FETUB: variants seen among roughly 807,000 people sequenced by gnomAD.
FETUB encodes the protein fetuin-B.
A neutral mutation model predicts 30.9 loss-of-function variants in FETUB; 28 were observed. That is an observed-to-expected ratio of 0.90 (90% CI 0.67 to 1.24). The LOEUF (loss-of-function observed/expected upper bound fraction) is 1.24, where lower values mean the gene tolerates loss of function less well. Among genes scored for constraint, FETUB ranks in the 50% most tolerant of loss-of-function variants. FETUB has a pLI of 0.00. For synonymous variants in FETUB, 186 were observed against 175.9 expected (o/e 1.06, Z -0.45); for missense variants, 469 against 455.3 (o/e 1.03, Z -0.27).
Position 186,652,278 on chromosome 3 carries a change from A to G in FETUB, c.796A>G (p.Ser266Gly). The G allele has an allele frequency of 6.5e-7, 1 of 1,547,972 alleles. No homozygotes were observed. Among genetic ancestry groups the G allele is most frequent in the Non-Finnish European group, 8.7e-7 (1 of 1,153,872 alleles). Reference protein sequence around the residue: ...FFESQAPATGSENSAVNQKPT... With the variant: ...FFESQAPATGGENSAVNQKPT... ...CTCATTCCAGGCTCCAGCCACTGGA[A>G]GTGAAAACTCTGCTGTTAACCAGAA... Residue 266 changes from serine (S) to glycine (G), a missense_variant, in exon 7 of 7, where the codon AGT becomes GGT. By Grantham distance (56) the Ser-to-Gly change is moderately conservative (BLOSUM62 0). Transcript: ENST00000265029.
chr3:186,651,861 C>CGAA (rs1401083012), intron 6 of FETUB: 1 of 170,162 alleles, frequency 5.9e-6, no homozygotes, highest in Non-Finnish European at 1.3e-5. Context: ...GACACTGCAT[C>CGAA]ATTCAGATCC....
chr3:186,644,790 C>G lies in FETUB; in HGVS notation c.464C>G (p.Pro155Arg). The change falls in exon 4 of 7, where the codon CCA (proline) becomes CGA (arginine). Residue 155 changes from proline to arginine, a missense_variant. By Grantham distance (103) the Pro-to-Arg change is moderately radical (BLOSUM62 -2). Transcript: ENST00000265029. ...KKIYMTCPDC[P>R]SSIPTDSSNH... ...ATTTACATGACGTGCCCTGACTGCC[C>G]AAGCTCCATACCCACTGACTCTTCC... 6.2e-7 allele frequency: 1 copy of G among 1,612,454 alleles called. No individual in the cohort carries two copies. Among genetic ancestry groups the G allele is most frequent in the Non-Finnish European group, 8.5e-7 (1 of 1,179,618 alleles).
In FETUB at chr3:186,640,496, A is replaced by G. The variant is rs761063427; in HGVS notation, c.36A>G (p.Leu12=). Residue 12 remains leucine (L), a synonymous_variant, in exon 1 of 7, where the codon CTA becomes CTG. Coordinates refer to ENST00000265029, the MANE Select transcript of FETUB (RefSeq NM_014375.3). ...GLLLPLALCI[L]VLCCGAMSPP... is the part of the protein sequence containing the mutation. ...TCCTTCCCCTGGCACTCTGCATCCT[A>G]GTCCTGTGCTGCGGAGCAATGTCTC... is the stretch of plus-strand genomic sequence containing the variant. The G allele has an allele frequency of 6.2e-7, 1 of 1,614,052 alleles. No individual in the cohort carries two copies. The highest frequency in any genetic ancestry group is 8.5e-7 in the Non-Finnish European group (1 of 1,179,998).
At chr3:186,640,241 CA>C, upstream of FETUB, 1 of 577,990 alleles carries the variant, frequency 1.7e-6, no homozygotes, top group South Asian at 2.0e-5. Flanking sequence ...TTTGTATGTA[CA>C]GGTGGATATG....
chr3:186,649,820 G>T (rs1485442293), intron 5 of FETUB, among the ~76,000 whole-genome samples: 1 of 152,210 alleles, frequency 6.6e-6, no homozygotes. Flanking sequence ...GGAGTCTTCA[G>T]TGTCTGTTAC....
At chr3:186,640,970 G>T in intron 1 of FETUB, 60 bp from the exon 2 acceptor site, 6 of 1,088,402 alleles carry the variant, frequency 5.5e-6, no homozygotes, top group Admixed American at 3.9e-5. Flanking sequence ...TTTTTTGTGT[G>T]GTCTTTCTAG....
upstream of FETUB, among the ~76,000 whole-genome samples, chr3:186,640,086 C>T (rs1163925110): frequency 2.0e-5 from 3 of 152,190 alleles, no homozygotes; most frequent in African/African-American, 7.2e-5. Flanking sequence ...GAGACCTCCA[C>T]AGCAAAGGTG....
intron 5 of FETUB, among the ~76,000 whole-genome samples, chr3:186,647,600 C>T (rs896386341): frequency 6.6e-5 from 10 of 152,118 alleles, no homozygotes; most frequent in Admixed American, 3.3e-4. Context: ...TGATGCTGAG[C>T]GTCTTTTAAT....
Position 186,642,515 on chromosome 3 carries a change from T to G in FETUB, c.381T>G (p.Ser127Arg). ...CAATATTTTATATGAACAACCCAAG[T>G]AGAGTTCTCTATTTAGCTGCTTATA... ...CKAIFYMNNP[S>R]RVLYLAAYNC... is the part of the protein sequence containing the mutation. The change falls in exon 3 of 7, where the codon AGT becomes AGG. Residue 127 changes from serine to arginine, a missense_variant. Coordinates refer to ENST00000265029, the MANE Select transcript of FETUB (RefSeq NM_014375.3). 1 of 1,610,124 alleles carries G rather than the reference T, an allele frequency of 6.2e-7. No homozygotes were observed. The highest frequency in any genetic ancestry group is 8.5e-7 in the Non-Finnish European group (1 of 1,176,878).
At chr3:186,652,136 G>C (rs1718095454) in intron 6 of FETUB, 127 bp from the exon 7 acceptor site, 1 of 1,041,254 alleles carries the variant, frequency 9.6e-7, no homozygotes, top group South Asian at 2.3e-5. Flanking sequence ...TCACCAGGAG[G>C]CCCATCCCTC....
chr3:186,642,620 T>G (rs3733159), intron 3 of FETUB, 62 bp downstream of exon 3: 333,723 of 970,552 alleles, frequency 0.34, 61,747 homozygotes, highest in African/African-American at 0.6. Flanking sequence ...CTTAACCAGG[T>G]CTTTGCCAAG....
chr3:186,651,236 G>T lies in FETUB; in HGVS notation c.715G>T (p.Gly239Cys), dbSNP rs1169349944. 1.2e-6 allele frequency: 2 copies of T among 1,612,964 alleles called. No homozygotes were observed. The highest frequency in any genetic ancestry group is 1.7e-6 in the Non-Finnish European group (2 of 1,179,014). Residue 239 changes from glycine (G) to cysteine (C), a missense_variant, in exon 6 of 7, where the codon GGT (glycine) becomes TGT (cysteine). Gly to Cys is a radical substitution (Grantham distance 159). Transcript: ENST00000265029. ...CTTTTAGCCTGTTGGTCTTTGCAAA[G>T]GTTCTCTGACTCGAACACACTGGGA... is the stretch of plus-strand genomic sequence containing the variant. ...SDSVPVGLCK[G>C]SLTRTHWEKF...
At chr3:186,647,228 A>T (rs534161411) in intron 5 of FETUB, 1 of 152,228 alleles carries the variant, frequency 6.6e-6, no homozygotes, top group African/African-American at 2.4e-5. Flanking sequence ...TATTGCATAG[A>T]TATTGTTTAT....
Position 186,652,486 on chromosome 3 carries a change from A to G in FETUB, c.1004A>G (p.Gln335Arg). ...PVHLDLTTNP[Q>R]GETLDISFLF... is the part of the protein sequence containing the mutation. ...CATCTGGACCTAACCACGAATCCCC[A>G]GGGAGAAACCCTGGATATTTCCTTC... The change falls in exon 7 of 7, where the codon CAG becomes CGG. Residue 335 changes from glutamine (Q) to arginine (R), a missense_variant. Physicochemically the swap from Gln to Arg is conservative, Grantham distance 43. Coordinates refer to ENST00000265029, the MANE Select transcript of FETUB (RefSeq NM_014375.3). The G allele has an allele frequency of 1.9e-6, 3 of 1,614,184 alleles. No individual in the cohort carries two copies. The highest frequency in any genetic ancestry group is 1.7e-6 in the Non-Finnish European group (2 of 1,180,036).
At chr3:186,651,423 C>G (rs745359152) in intron 6 of FETUB, 122 bp downstream of exon 6, 3 of 702,064 alleles carry the variant, frequency 4.3e-6, no homozygotes, top group Non-Finnish European at 7.7e-6. Flanking sequence ...TTTGCGCAGG[C>G]TAGCCTGAGT....
At chr3:186,644,709 A>G in intron 3 of FETUB, 42 bp from the exon 4 acceptor site, 1 of 1,497,560 alleles carries the variant, frequency 6.7e-7, no homozygotes, top group Non-Finnish European at 9.1e-7. Flanking sequence ...GATTTATTGA[A>G]AATTAATAGC....
upstream of FETUB, among the ~76,000 whole-genome samples, chr3:186,638,930 T>C (rs925709280): frequency 6.6e-6 from 1 of 152,246 alleles, no homozygotes; most frequent in Non-Finnish European, 1.5e-5. Flanking sequence ...TTGAAAACAA[T>C]GCCTACAGCC....
intron 3 of FETUB, 45 bp downstream of exon 3, chr3:186,642,603 A>C: frequency 8.6e-7 from 1 of 1,165,582 alleles, no homozygotes; most frequent in Non-Finnish European, 1.3e-6. Context: ...AAGGATGGAA[A>C]AGAGTACTTA....
intron 4 of FETUB, among the ~76,000 whole-genome samples, chr3:186,645,421 G>A (rs1296364849): frequency 2.0e-5 from 3 of 151,946 alleles, no homozygotes; most frequent in Admixed American, 1.3e-4. Flanking sequence ...CACCCAGGGT[G>A]GACTCAAGTA....
Sources: allele counts gnomAD v4.1 joint callset (sites outside exome capture counted in the v4.1 genomes callset), GRCh38; gene constraint gnomAD v4.1.1; transcripts MANE v1.5; gene names NCBI Gene and HGNC (gene_info 2026-07-23, HGNC 2026-07-21).